ASTN2: variants seen among roughly 807,000 people sequenced by gnomAD.
The protein encoded by ASTN2 is astrotactin-2.
Under a neutral mutation model 139.8 loss-of-function variants are expected in ASTN2, and 54 were observed. That is an observed-to-expected ratio of 0.39 (90% confidence interval 0.31 to 0.48). The LOEUF (loss-of-function observed/expected upper bound fraction) is 0.48. Ranked by LOEUF, ASTN2 falls within the 20% of genes least tolerant of loss-of-function variation. The pLI, the probability that ASTN2 is intolerant of heterozygous loss-of-function variation, is 0.95. For missense variants in ASTN2, 1,565 were observed against 1,725.1 expected (o/e 0.91, Z 1.64); for synonymous variants, 756 against 719.5 (o/e 1.05, Z -0.81).
At chr9:116,909,098 C>T (rs1834244377) in intron 10 of ASTN2, among the ~76,000 whole-genome samples, 1 of 152,086 alleles carries the variant, frequency 6.6e-6, no homozygotes, top group Non-Finnish European at 1.5e-5. Flanking sequence ...GCTAAAAAAG[C>T]CATGGCAGGG....
chr9:117,255,980 G>T (rs748051836), intron 2 of ASTN2, among the ~76,000 whole-genome samples: 5 of 152,130 alleles, frequency 3.3e-5, no homozygotes, highest in Admixed American at 2.0e-4. Context: ...CTATCCAAGG[G>T]AAAAGCAAAT....
chr9:116,792,343 C>G (rs1286701627), intron 13 of ASTN2, among the ~76,000 whole-genome samples: 23 of 152,140 alleles, frequency 1.5e-4, no homozygotes, highest in Admixed American at 1.4e-3. Flanking sequence ...TCTCGCTACT[C>G]TTCCAGGAGT....
chr9:117,170,597 T>C (rs1321853958), intron 3 of ASTN2, among the ~76,000 whole-genome samples: 1 of 151,536 alleles, frequency 6.6e-6, no homozygotes, highest in Non-Finnish European at 1.5e-5. Flanking sequence ...ATTGCTGGAG[T>C]GAGTGCTATT....
intron 19 of ASTN2, among the ~76,000 whole-genome samples, chr9:116,512,378 A>C (rs1850431343): frequency 6.6e-6 from 1 of 152,064 alleles, no homozygotes. Context: ...AGTTTGTTTT[A>C]ATTTCTGTTC....
chr9:116,777,955 G>A (rs1014845202), intron 13 of ASTN2, among the ~76,000 whole-genome samples: 11 of 151,964 alleles, frequency 7.2e-5, no homozygotes, highest in South Asian at 2.1e-4. Flanking sequence ...CAATTCTCCC[G>A]CCTCAGCCTC....
chr9:117,264,291 T>C (rs939458447), intron 2 of ASTN2, among the ~76,000 whole-genome samples: 1 of 152,154 alleles, frequency 6.6e-6, no homozygotes, highest in East Asian at 1.9e-4. Context: ...CTGAATTTCA[T>C]TGCAAAGAGA....
intron 11 of ASTN2, 37 bp downstream of exon 11, chr9:116,863,546 G>A (rs56339875): frequency 0.028 from 44,346 of 1,606,790 alleles, 1,114 homozygotes; most frequent in South Asian, 0.1. Flanking sequence ...CTTAGCCCCT[G>A]GGCCACTGCC....
At chr9:116,608,956 A>C (rs1261596917) in intron 19 of ASTN2, among the ~76,000 whole-genome samples, 2 of 152,168 alleles carry the variant, frequency 1.3e-5, no homozygotes, top group African/African-American at 4.8e-5. Context: ...TCCAAGACGA[A>C]AAATAATGCT....
At chr9:116,784,649 G>T (rs999420450) in intron 13 of ASTN2, among the ~76,000 whole-genome samples, 14 of 152,264 alleles carry the variant, frequency 9.2e-5, no homozygotes, top group African/African-American at 3.4e-4. Flanking sequence ...GAGGAGAGAG[G>T]CTGTGTTGGG....
chr9:117,345,306 A>C (rs1829181874), intron 1 of ASTN2, among the ~76,000 whole-genome samples: 1 of 152,218 alleles, frequency 6.6e-6, no homozygotes, highest in Non-Finnish European at 1.5e-5. Context: ...GTAGAAAATA[A>C]AGAGTTAAAA....
chr9:117,000,272 C>T (rs898207036), intron 7 of ASTN2, among the ~76,000 whole-genome samples: 3 of 152,162 alleles, frequency 2.0e-5, no homozygotes, highest in Admixed American at 2.0e-4. Flanking sequence ...AAATGACTTA[C>T]CAAGCTCCCT....
chr9:117,196,672 C>T (rs982411425), intron 3 of ASTN2, among the ~76,000 whole-genome samples: 1 of 152,134 alleles, frequency 6.6e-6, no homozygotes, highest in African/African-American at 2.4e-5. Context: ...ATACTGCACA[C>T]TTCACCAAAA....
intron 1 of ASTN2, among the ~76,000 whole-genome samples, chr9:117,299,077 G>A (rs754798668): frequency 2.0e-5 from 3 of 152,124 alleles, no homozygotes; most frequent in Non-Finnish European, 4.4e-5. Flanking sequence ...TGAGATAGGG[G>A]AAGTTCATAT....
At chr9:116,607,670 AACACACACACACACACACACACAC>A (rs57512218) in intron 19 of ASTN2, among the ~76,000 whole-genome samples, 1,464 of 136,342 alleles carry the variant, frequency 0.011, 32 homozygotes, top group African/African-American at 0.036. Context: ...TTAAGAAATT[AACACACACACACACACACACACAC>A]ACACACACAC....
intron 4 of ASTN2, among the ~76,000 whole-genome samples, chr9:117,116,491 C>A (rs11789213): frequency 0.069 from 10,470 of 151,940 alleles, 620 homozygotes; most frequent in East Asian, 0.18. Flanking sequence ...CAATCAGGAA[C>A]AACAGATTCA....
intron 7 of ASTN2, among the ~76,000 whole-genome samples, chr9:117,006,625 G>A (rs1837360623): frequency 6.6e-6 from 1 of 152,090 alleles, no homozygotes. Context: ...CTATTCAAAT[G>A]CAGGTCATAG....
In ASTN2 at chr9:116,863,530, G is replaced by A. The variant is rs1832946105; in HGVS notation, c.2040+53C>T. ...CCCTCGCAGGGCAGGGCTTCTAGCA[G>A]GTGGCCTTAGCCCCTGGGCCACTGC... On this transcript the variant is annotated intron_variant, in intron 11 of 22. Coordinates refer to ENST00000313400, the MANE Select transcript of ASTN2 (RefSeq NM_001365068.1). 3.1e-6 allele frequency: 5 copies of A among 1,589,662 alleles called. No individual in the cohort carries two copies. The African/African-American group carries it at 5.4e-5, about 17-fold the overall frequency.
intron 13 of ASTN2, among the ~76,000 whole-genome samples, chr9:116,770,592 ACAT>A (rs1200197645): frequency 6.6e-6 from 1 of 152,180 alleles, no homozygotes; most frequent in Non-Finnish European, 1.5e-5. Flanking sequence ...TTGAGGCTTG[ACAT>A]CAGCTGTCAT....
chr9:116,473,466 C>A (rs537707036), intron 20 of ASTN2, among the ~76,000 whole-genome samples: 1 of 152,192 alleles, frequency 6.6e-6, no homozygotes, highest in Non-Finnish European at 1.5e-5. Flanking sequence ...GGAAAACAAT[C>A]CAAACTAGCC....
Sources: gnomAD v4.1 joint callset for allele counts (sites outside exome capture counted in the v4.1 genomes callset) on GRCh38, gnomAD v4.1.1 for gene constraint, MANE v1.5 for transcripts, NCBI Gene and HGNC (gene_info 2026-07-23, HGNC 2026-07-21) for gene names.